Variants in DTNB observed in about 807,000 individuals in gnomAD.
DTNB encodes the protein DTN-B.
DTNB carries 63 observed loss-of-function variants against 90.7 expected under a neutral mutation model. That is an observed-to-expected ratio of 0.69 (90% confidence interval 0.57 to 0.86). The LOEUF is 0.86. Among genes scored for constraint, DTNB ranks in the 40% least tolerant of loss-of-function variants. The probability of loss-of-function intolerance (pLI) is 0.00; values close to 1 mark genes in which losing one functional copy is unlikely to be tolerated. For synonymous variants in DTNB, 277 were observed against 286.7 expected, an observed-to-expected ratio of 0.97 and a Z score of 0.34; for missense variants, 744 against 807.1, an observed-to-expected ratio of 0.92 and a Z score of 0.95.
chr2:25,502,653 G>A (rs1374905359), intron 9 of DTNB, among the ~76,000 whole-genome samples: 2 of 151,852 alleles, frequency 1.3e-5, no homozygotes, highest in Non-Finnish European at 2.9e-5. Flanking sequence ...GGCAGCCAAG[G>A]TGGGTGGATC....
intron 9 of DTNB, among the ~76,000 whole-genome samples, chr2:25,490,977 G>A (rs553366141): frequency 6.6e-6 from 1 of 151,866 alleles, no homozygotes; most frequent in Non-Finnish European, 1.5e-5. Context: ...TTATGGGAAA[G>A]TATACTTTCC....
In DTNB at chr2:25,465,230, G is replaced by T. The variant is rs1342271414; in HGVS notation, c.1080-9736C>A. ...TCTCTACTAAAAACACAAAAAATTA[G>T]CCGGGCGTGGTGGCGGGCGCCTGTA... is the stretch of plus-strand genomic sequence containing the variant. On this transcript the variant is annotated intron_variant, in intron 10 of 20. Transcript: ENST00000406818. Among the ~76,000 whole-genome samples the T allele has an allele frequency of 3.9e-5, 6 of 152,094 alleles. No individual in the cohort carries two copies. In the East Asian group the frequency reaches 1.2e-3, roughly 29 times the overall value.
At chr2:25,562,886 C>A (rs962419415) in intron 8 of DTNB, among the ~76,000 whole-genome samples, 2 of 152,156 alleles carry the variant, frequency 1.3e-5, no homozygotes, top group African/African-American at 4.8e-5. Context: ...GATCCTCCTG[C>A]GGCCTCCAGA....
intron 4 of DTNB, among the ~76,000 whole-genome samples, chr2:25,625,825 T>C (rs1035750600): frequency 5.3e-5 from 8 of 152,192 alleles, no homozygotes; most frequent in African/African-American, 1.4e-4. Flanking sequence ...GTTGAAATCC[T>C]AACCCCCAAG....
chr2:25,591,077 C>T (rs1386423162), intron 6 of DTNB, among the ~76,000 whole-genome samples: 1 of 152,236 alleles, frequency 6.6e-6, no homozygotes, highest in Admixed American at 6.5e-5. Context: ...TGCAACAGTG[C>T]CCGAGCTCGG....
intron 10 of DTNB, among the ~76,000 whole-genome samples, chr2:25,465,828 C>T (rs2061677554): frequency 6.6e-6 from 1 of 152,304 alleles, no homozygotes; most frequent in South Asian, 2.1e-4. Flanking sequence ...TATTTTTCTG[C>T]ACAGCATTTA....
chr2:25,378,953 G>A (rs1382850117), intron 20 of DTNB, among the ~76,000 whole-genome samples: 1 of 152,202 alleles, frequency 6.6e-6, no homozygotes, highest in African/African-American at 2.4e-5. Flanking sequence ...AAGGAGCATG[G>A]GAGGCAGTGC....
rs1336560395 is a variant in DTNB, at chr2:25,576,850, C to T, written c.864G>A (p.Glu288=). The change falls in exon 8 of 21, where the codon GAG becomes GAA. Residue 288 remains glutamate (E), a synonymous_variant. Coordinates refer to ENST00000406818, the MANE Select transcript of DTNB (RefSeq NM_021907.5). ...GPHSNQHQMK[E]HSSWKSPAKK... is the part of the protein sequence containing the mutation. ...ACAAAGCAGTTACCCAAGAGGAATG[C>T]TCCTTCATCTGGTGCTGGTTGCTGT... 2 of 1,612,064 alleles carry T rather than the reference C, an allele frequency of 1.2e-6. No homozygotes were observed. The highest frequency in any genetic ancestry group is 1.7e-6 in the Non-Finnish European group (2 of 1,179,040).
chr2:25,510,324 TC>T (rs2073659368), intron 9 of DTNB, among the ~76,000 whole-genome samples: 1 of 152,106 alleles, frequency 6.6e-6, no homozygotes, highest in Non-Finnish European at 1.5e-5. Context: ...TTTAACATAC[TC>T]CTTTTTTAAA....
intron 8 of DTNB, among the ~76,000 whole-genome samples, chr2:25,535,867 C>A (rs1374663372): frequency 6.7e-6 from 1 of 148,194 alleles, no homozygotes; most frequent in Non-Finnish European, 1.5e-5. Context: ...GCGCTCCTCA[C>A]CTCCCAGAGG....
intron 7 of DTNB, among the ~76,000 whole-genome samples, chr2:25,579,058 C>T (rs1290375576): frequency 6.6e-6 from 1 of 150,942 alleles, no homozygotes. Flanking sequence ...ATAAATTATA[C>T]ACTTTATAAA....
chr2:25,570,406 CAAAAAAAAA>C lies in DTNB; in HGVS notation c.876+6423_876+6431del, dbSNP rs146251976. On this transcript the variant is annotated intron_variant, in intron 8 of 20. Transcript: ENST00000406818. ...TGGACAATAGAGTGGTTTCCTGTCTCAAAAAAAAAAAAAAAAAAAAAAAAAGAAGAAAAA... is the reference window on the plus strand; with the variant it reads ...TGGACAATAGAGTGGTTTCCTGTCTCAAAAAAAAAAAAAAAAGAAGAAAAA... Among the ~76,000 whole-genome samples the C allele has an allele frequency of 5.1e-3, 461 of 89,914 alleles. 3 individuals are homozygous for C. The highest frequency in any genetic ancestry group is 0.02 in the African/African-American group (386 of 19,654). The allele number at this position is 89,914 out of a possible 152,430, so 59.0% of individuals were successfully genotyped here. A position where few individuals can be genotyped will look rare whatever the true frequency, so the allele number is the denominator to read the frequency against.
intron 1 of DTNB, among the ~76,000 whole-genome samples, chr2:25,658,162 C>T (rs2082430149): frequency 6.6e-6 from 1 of 150,466 alleles, no homozygotes; most frequent in Non-Finnish European, 1.5e-5. Context: ...GAGGCTGAGG[C>T]AGGAGAATTG....
At chr2:25,401,639 G>A (rs2043744228) in intron 16 of DTNB, among the ~76,000 whole-genome samples, 1 of 152,246 alleles carries the variant, frequency 6.6e-6, no homozygotes, top group Non-Finnish European at 1.5e-5. Context: ...GAATAGGGAA[G>A]AATTTTTAAT....
chr2:25,671,278 G>T (rs908832895), intron 1 of DTNB, among the ~76,000 whole-genome samples: 28 of 152,172 alleles, frequency 1.8e-4, no homozygotes, highest in African/African-American at 6.8e-4. Flanking sequence ...CTAATGGGGG[G>T]ACTACTGTAC....
chr2:25,447,389 A>C (rs1558563427), intron 12 of DTNB, among the ~76,000 whole-genome samples: 2 of 152,216 alleles, frequency 1.3e-5, no homozygotes, highest in African/African-American at 4.8e-5. Context: ...AAATGTACCC[A>C]AAGTAAGTAT....
In DTNB at chr2:25,577,030, G is replaced by A. The variant is rs1261009395; in HGVS notation, c.710-26C>T. 71 of 1,558,348 alleles carry A rather than the reference G, an allele frequency of 4.6e-5. No individual in the cohort carries two copies. In the Admixed American group the frequency reaches 4.6e-4, roughly 10 times the overall value. ...CTTGTGGACAGGAGAGAAAAGGGGA[G>A]AAAAAAGGGCAGGAGGGAAGGGATA... On this transcript the variant is annotated intron_variant, in intron 7 of 20. Coordinates refer to ENST00000406818, the MANE Select transcript of DTNB (RefSeq NM_021907.5).
intron 4 of DTNB, among the ~76,000 whole-genome samples, chr2:25,609,355 T>C (rs951831393): frequency 3.3e-5 from 5 of 152,044 alleles, no homozygotes; most frequent in African/African-American, 1.2e-4. Context: ...TCCCAGCACT[T>C]TGGGAGGCCG....
At chr2:25,649,591 C>T (rs1211142784) in intron 2 of DTNB, among the ~76,000 whole-genome samples, 7 of 152,048 alleles carry the variant, frequency 4.6e-5, no homozygotes, top group Admixed American at 1.3e-4. Context: ...TGCTGGCACA[C>T]GCCTGTAGTC....
Sources: gnomAD v4.1 joint callset for allele counts (sites outside exome capture counted in the v4.1 genomes callset) on GRCh38, gnomAD v4.1.1 for gene constraint, MANE v1.5 for transcripts, NCBI Gene and HGNC (gene_info 2026-07-23, HGNC 2026-07-21) for gene names.